Variants in PDE3A observed in about 807,000 individuals in gnomAD.
The protein encoded by PDE3A is phosphodiesterase 3A, also known as cGMP-inhibited 3',5'-cyclic phosphodiesterase 3A.
PDE3A carries 43 observed loss-of-function variants against 98.3 expected under a neutral mutation model. The ratio of observed to expected loss-of-function variants is 0.44; its 90% CI spans 0.34 to 0.56. PDE3A has a LOEUF of 0.56. Among genes scored for constraint, PDE3A ranks in the 20% least tolerant of loss-of-function variants. The pLI is 0.01. For synonymous variants in PDE3A, 663 were observed against 567.9 expected, an observed-to-expected ratio of 1.17 and a Z score of -2.38; for missense variants, 1,427 against 1,440.7, an observed-to-expected ratio of 0.99 and a Z score of 0.15.
chr12:20,427,712 G>T (rs1944624464), intron 1 of PDE3A, among the ~76,000 whole-genome samples: 1 of 151,972 alleles, frequency 6.6e-6, no homozygotes, highest in African/African-American at 2.4e-5. Flanking sequence ...CATTTATAAT[G>T]TATGTATTTT....
rs775138158 is a variant in PDE3A at position 20,630,029 on chromosome 12, T to G, written c.1662T>G (p.Thr554=). 3.1e-6 allele frequency: 5 copies of G among 1,613,940 alleles called. No individual in the cohort carries two copies. The African/African-American group carries it at 4.0e-5, about 13-fold the overall frequency. The change falls in exon 6 of 16, where the codon ACT becomes ACG. Residue 554 remains threonine, a synonymous_variant. Coordinates refer to ENST00000359062, the MANE Select transcript of PDE3A (RefSeq NM_000921.5). The part of the protein sequence containing the change: ...AVQFPESADT[T]AKQSLGSHRA... ...AGTTTCCAGAATCTGCTGACACAAC[T>G]GCCAAACAAAGCCTAGGTTCTCACA...
At chr12:20,573,167 C>A (rs1156608915) in intron 2 of PDE3A, among the ~76,000 whole-genome samples, 2 of 151,780 alleles carry the variant, frequency 1.3e-5, no homozygotes, top group African/African-American at 2.4e-5. Context: ...TAAAATATAC[C>A]TTGAATTAAT....
At chr12:20,513,322 A>G (rs2121123942) in intron 1 of PDE3A, among the ~76,000 whole-genome samples, 1 of 152,326 alleles carries the variant, frequency 6.6e-6, no homozygotes, top group East Asian at 1.9e-4. Context: ...CAGAGAAAAT[A>G]GGGGATTTGG....
chr12:20,543,166 T>C (rs781754850), intron 1 of PDE3A, among the ~76,000 whole-genome samples: 1 of 152,032 alleles, frequency 6.6e-6, no homozygotes, highest in Non-Finnish European at 1.5e-5. Flanking sequence ...AATTGCATTT[T>C]GTTTTGTCTA....
In PDE3A at chr12:20,369,324, C is replaced by G; in HGVS notation, c.40C>G (p.Pro14Ala). The G allele has an allele frequency of 6.5e-7, 1 of 1,546,120 alleles. No individual in the cohort carries two copies. Among genetic ancestry groups the G allele is most frequent in the East Asian group, 2.5e-5 (1 of 40,784 alleles). The change falls in exon 1 of 16, where the codon CCC becomes GCC. Residue 14 changes from proline to alanine, a missense_variant. This residue lies in a region of PDE3A where 1,012 missense variants were observed against 886.5 expected (regional missense o/e 1.14). Transcript: ENST00000359062. ...PGDAARVRDK[P>A]VHSGVSQAPT... ...CGACGCTGCACGAGTCAGGGACAAG[C>G]CCGTCCACAGTGGGGTGAGTCAAGC... is the stretch of plus-strand genomic sequence containing the variant.
intron 1 of PDE3A, among the ~76,000 whole-genome samples, chr12:20,443,553 G>C (rs957724043): frequency 2.0e-5 from 3 of 151,958 alleles, no homozygotes; most frequent in African/African-American, 7.2e-5. Context: ...TCATTTTTTT[G>C]ACTAGCTTTT....
At chr12:20,433,759 T>C (rs1345368438) in intron 1 of PDE3A, among the ~76,000 whole-genome samples, 3 of 152,212 alleles carry the variant, frequency 2.0e-5, no homozygotes, top group Non-Finnish European at 2.9e-5. Context: ...AGACAAAATA[T>C]ATGTCTTCTC....
At chr12:20,672,537 T>A (rs1945513259) in intron 15 of PDE3A, among the ~76,000 whole-genome samples, 2 of 151,342 alleles carry the variant, frequency 1.3e-5, no homozygotes, top group Non-Finnish European at 2.9e-5. Context: ...CCCTCAGAAA[T>A]AACGCTGCAT....
chr12:20,369,562 A>G lies in PDE3A; in HGVS notation c.278A>G (p.Lys93Arg). 1.3e-6 allele frequency: 2 copies of G among 1,556,908 alleles called. No homozygotes were observed. The highest frequency in any genetic ancestry group is 3.9e-5 in the Admixed American group (2 of 51,896). ...GEVGCDLEQC[K>R]EAAAAEEEEA... Reference sequence around the variant, plus strand: ...GTCGGCTGTGACCTGGAGCAGTGTAAGGAGGCGGCGGCGGCGGAGGAGGAG... The same window carrying G: ...GTCGGCTGTGACCTGGAGCAGTGTAGGGAGGCGGCGGCGGCGGAGGAGGAG... Residue 93 changes from lysine to arginine, a missense_variant, in exon 1 of 16, where the codon AAG (lysine) becomes AGG (arginine). Around this residue, in one of 3 missense-constraint regions of PDE3A, gnomAD observed 1,012 missense variants for 886.5 expected, o/e 1.14. Coordinates refer to ENST00000359062, the MANE Select transcript of PDE3A (RefSeq NM_000921.5).
intron 2 of PDE3A, among the ~76,000 whole-genome samples, chr12:20,570,204 T>C (rs545370703): frequency 6.6e-6 from 1 of 152,002 alleles, no homozygotes; most frequent in South Asian, 2.1e-4. Flanking sequence ...GCCAGTGATT[T>C]GAGACCAGCT....
intron 2 of PDE3A, among the ~76,000 whole-genome samples, chr12:20,606,645 G>A (rs981286661): frequency 1.3e-5 from 2 of 151,640 alleles, no homozygotes; most frequent in Non-Finnish European, 2.9e-5. Context: ...GGTCACCTGA[G>A]GTTGGGAGTT....
At position 20,552,905 on chromosome 12, in the gene PDE3A, G is replaced by C. The variant is rs1942254762; in HGVS notation, c.961-3755G>C. The C allele has an allele frequency of 6.2e-7, 1 of 1,600,542 alleles. No individual in the cohort carries two copies. The highest frequency in any genetic ancestry group is 1.3e-5 in the African/African-American group (1 of 74,560). ...TCCTTTCGGGCACAGGTGTTCAGCT[G>C]CCCTGCCTGCCGCTACGACCTGGGC... On this transcript the variant is annotated intron_variant, in intron 1 of 15. Coordinates refer to ENST00000359062, the MANE Select transcript of PDE3A (RefSeq NM_000921.5). This position sits in a 1 kb window ranked among gnomAD's most constrained non-coding sequence, Gnocchi z 5.1.
chr12:20,422,508 G>A (rs1363083590), intron 1 of PDE3A, among the ~76,000 whole-genome samples: 1 of 152,146 alleles, frequency 6.6e-6, no homozygotes. Flanking sequence ...TTGAATAAAA[G>A]TAGACCTTTT....
chr12:20,397,136 A>G (rs1358448201), intron 1 of PDE3A, among the ~76,000 whole-genome samples: 1 of 152,098 alleles, frequency 6.6e-6, no homozygotes, highest in Non-Finnish European at 1.5e-5. Context: ...CTAAATTCTA[A>G]AAATGTATGT....
intron 1 of PDE3A, among the ~76,000 whole-genome samples, chr12:20,422,529 A>C (rs754638058): frequency 1.3e-5 from 2 of 152,204 alleles, no homozygotes; most frequent in Non-Finnish European, 2.9e-5. Context: ...GTTCCATTGC[A>C]TGTTATTATT....
At position 20,621,877 on chromosome 12, in the gene PDE3A, C is replaced by T. The variant is rs374416489; in HGVS notation, c.1540+466C>T. Among the ~76,000 whole-genome samples the T allele has an allele frequency of 1.8e-4, 27 of 152,056 alleles. No individual in the cohort carries two copies. The East Asian group carries it at 3.1e-3, about 17-fold the overall frequency. ...TTTAAATGGGAACATGAAATGATAT[C>T]GGGGAAGACTACCTCATTTGTTCAG... On this transcript the variant is annotated intron_variant, in intron 5 of 15. Transcript: ENST00000359062.
At chr12:20,593,047 A>G (rs1943376684) in intron 2 of PDE3A, among the ~76,000 whole-genome samples, 1 of 152,248 alleles carries the variant, frequency 6.6e-6, no homozygotes, top group African/African-American at 2.4e-5. Context: ...AATTAGCAAT[A>G]CAACAATATC....
At chr12:20,429,913 G>C (rs1944666953) in intron 1 of PDE3A, among the ~76,000 whole-genome samples, 2 of 151,592 alleles carry the variant, frequency 1.3e-5, no homozygotes. Flanking sequence ...GCCAACATCT[G>C]CTACATTTTG....
At chr12:20,556,629 A>T (rs762472091) in intron 1 of PDE3A, 31 bp from the exon 2 acceptor site, 1 of 1,426,968 alleles carries the variant, frequency 7.0e-7, no homozygotes, top group South Asian at 1.2e-5. Context: ...TAAAATAATC[A>T]TTTAACTTAT....
Sources: allele counts gnomAD v4.1 joint callset (sites outside exome capture counted in the v4.1 genomes callset), GRCh38; gene constraint gnomAD v4.1.1; regional missense constraint gnomAD v4.1.1; non-coding constraint Gnocchi (gnomAD v3.1); transcripts MANE v1.5; gene names NCBI Gene and HGNC (gene_info 2026-07-23, HGNC 2026-07-21).